Variants in ZBTB34 observed in about 807,000 individuals in gnomAD.
ZBTB34 encodes the protein zinc finger and BTB domain-containing protein 34.
In ZBTB34, 1 loss-of-function variant was observed where a neutral mutation model predicts 33.4. The observed-to-expected ratio is 0.03, with a 90% CI of 0.01 to 0.14. The LOEUF (loss-of-function observed/expected upper bound fraction) is 0.14. Ranked by LOEUF, ZBTB34 falls within the 10% of genes least tolerant of loss-of-function variation. ZBTB34 has a pLI of 1.00. For synonymous variants in ZBTB34, 283 were observed against 253.5 expected (o/e 1.12, Z -1.11); for missense variants, 406 against 657.2 (o/e 0.62, Z 4.18).
intron 1 of ZBTB34, among the ~76,000 whole-genome samples, chr9:126,868,657 A>T (rs2033239856): frequency 6.6e-6 from 1 of 152,156 alleles, no homozygotes; most frequent in Non-Finnish European, 1.5e-5. Flanking sequence ...CTGCTTGGTC[A>T]GTCCTGGAGG....
At chr9:126,874,732 C>CA (rs1431343552) in intron 1 of ZBTB34, among the ~76,000 whole-genome samples, 2 of 152,170 alleles carry the variant, frequency 1.3e-5, no homozygotes, top group African/African-American at 4.8e-5. Context: ...CCTTCCTCCC[C>CA]AACCCTTTGT....
rs77474111 is a variant in ZBTB34, at chr9:126,869,762, G to C, written c.-11+9023G>C. ...AATTATTCTCTTTCTTTGTAAGAAA[G>C]TAAGATTTTGGAAGTAAGAAATTAA... On this transcript the variant is annotated intron_variant, in intron 1 of 1. Transcript: ENST00000319119. 6.3e-3 allele frequency among the ~76,000 whole-genome samples: 954 copies of C among 152,296 alleles called. 38 individuals are homozygous for C. In the East Asian group the frequency reaches 0.1, roughly 16 times the overall value.
chr9:126,870,899 C>T (rs1447105198), intron 1 of ZBTB34, among the ~76,000 whole-genome samples: 1 of 151,918 alleles, frequency 6.6e-6, no homozygotes, highest in Admixed American at 6.6e-5. Context: ...TGCACTCCAG[C>T]CTGGGCCACA....
exon 2 of ZBTB34, chr9:126,884,767 G>C (rs1335806224): frequency 6.0e-6 from 1 of 166,984 alleles, no homozygotes; most frequent in Non-Finnish European, 1.5e-5. Context: ...CTATGTGAAT[G>C]AGCTTTACTT....
intron 1 of ZBTB34, among the ~76,000 whole-genome samples, chr9:126,869,592 C>T (rs923316085): frequency 2.6e-5 from 4 of 152,004 alleles, no homozygotes; most frequent in Non-Finnish European, 2.9e-5. Context: ...GGTGTGGGGG[C>T]GGCTGGGTGC....
At chr9:126,885,507 A>G (rs1236263026) in exon 2 of ZBTB34, 1 of 167,112 alleles carries the variant, frequency 6.0e-6, no homozygotes, top group Non-Finnish European at 1.5e-5. Context: ...TAGTAGGGCT[A>G]ACATTTTTTT....
chr9:126,869,399 T>C (rs1328538831), intron 1 of ZBTB34, among the ~76,000 whole-genome samples: 2 of 151,984 alleles, frequency 1.3e-5, no homozygotes, highest in South Asian at 2.1e-4. Flanking sequence ...AAGGGGCAGG[T>C]TGGGAGGATT....
chr9:126,878,262 GA>G (rs1340328250), intron 1 of ZBTB34, among the ~76,000 whole-genome samples: 2 of 152,036 alleles, frequency 1.3e-5, no homozygotes, highest in Non-Finnish European at 2.9e-5. Flanking sequence ...CTGAGGTCAG[GA>G]GTTCGAGACC....
At chr9:126,866,782 T>A (rs953281726) in intron 1 of ZBTB34, among the ~76,000 whole-genome samples, 7 of 151,984 alleles carry the variant, frequency 4.6e-5, no homozygotes, top group African/African-American at 1.5e-4. Flanking sequence ...TAAAAAAAAA[T>A]TTTAGTGAGA....
chr9:126,876,720 G>A (rs2033368667), intron 1 of ZBTB34, among the ~76,000 whole-genome samples: 1 of 152,224 alleles, frequency 6.6e-6, no homozygotes, highest in Non-Finnish European at 1.5e-5. Flanking sequence ...TGAACGGCCT[G>A]AAGATCATTT....
At chr9:126,885,145 C>T (rs927176588) in exon 2 of ZBTB34, 2 of 167,052 alleles carry the variant, frequency 1.2e-5, no homozygotes, top group African/African-American at 2.4e-5. Context: ...ATGTCACATG[C>T]GTCTTTTTCA....
At position 126,880,792 on chromosome 9, in the gene ZBTB34, A is replaced by G. The variant is rs555641368; in HGVS notation, c.1393A>G (p.Ile465Val). Residue 465 changes from isoleucine to valine, a missense_variant, in exon 2 of 2, where the codon ATT becomes GTT. Physicochemically the swap from Ile to Val is conservative, Grantham distance 29. Around this residue, in one of 6 missense-constraint regions of ZBTB34, gnomAD observed 58 missense variants for 58.7 expected, o/e 0.99. Transcript: ENST00000319119. The surrounding 1 kb of genome is among the most constrained non-coding windows in gnomAD (Gnocchi z 6.7). ...AGGCGTTGCTGAAGTCAGGAGTCGC[A>G]TTGAGTCCCCCGAGAGAACAGATGT... The G allele has an allele frequency of 1.1e-5, 17 of 1,613,794 alleles. No homozygotes were observed. In the East Asian group the frequency reaches 2.5e-4, roughly 23 times the overall value.
intron 1 of ZBTB34, among the ~76,000 whole-genome samples, chr9:126,876,883 A>G (rs891347095): frequency 1.3e-5 from 2 of 152,182 alleles, no homozygotes; most frequent in African/African-American, 2.4e-5. Flanking sequence ...TTTTAACTCA[A>G]ATTTCGATGT....
intron 1 of ZBTB34, among the ~76,000 whole-genome samples, chr9:126,862,284 G>A (rs2033152327): frequency 6.6e-6 from 1 of 152,182 alleles, no homozygotes; most frequent in Non-Finnish European, 1.5e-5. Flanking sequence ...GAGGTGGGCC[G>A]CGGCTAGTTC....
At chr9:126,871,870 C>T (rs928535197) in intron 1 of ZBTB34, among the ~76,000 whole-genome samples, 1 of 151,954 alleles carries the variant, frequency 6.6e-6, no homozygotes, top group African/African-American at 2.4e-5. Flanking sequence ...AATTCCAGGA[C>T]TTTGGGATGC....
intron 1 of ZBTB34, among the ~76,000 whole-genome samples, chr9:126,867,625 G>T (rs971236372): frequency 2.0e-5 from 3 of 151,552 alleles, no homozygotes; most frequent in African/African-American, 7.3e-5. Flanking sequence ...GCGAAAAGGG[G>T]TATTTTTTTT....
intron 1 of ZBTB34, among the ~76,000 whole-genome samples, chr9:126,866,242 T>C (rs1433066807): frequency 6.6e-6 from 1 of 152,134 alleles, no homozygotes; most frequent in African/African-American, 2.4e-5. Flanking sequence ...AGCCCCATAT[T>C]TCCCACGACC....
At chr9:126,873,882 A>G (rs972544513) in intron 1 of ZBTB34, among the ~76,000 whole-genome samples, 1 of 152,142 alleles carries the variant, frequency 6.6e-6, no homozygotes, top group African/African-American at 2.4e-5. Flanking sequence ...CTGAGATTAC[A>G]GGTGTGAGCC....
In ZBTB34 at chr9:126,879,334, C is replaced by A; in HGVS notation, c.-10-56C>A. 1 of 1,427,200 alleles carries A rather than the reference C, an allele frequency of 7.0e-7. No individual in the cohort carries two copies. The highest frequency in any genetic ancestry group is 9.6e-7 in the Non-Finnish European group (1 of 1,042,956). 88.4% of individuals were successfully genotyped at this position (1,427,200 alleles called of 1,614,324 possible). On this transcript the variant is annotated intron_variant, in intron 1 of 1. Transcript: ENST00000319119. This position sits in a 1 kb window ranked among gnomAD's most constrained non-coding sequence, Gnocchi z 6.4. Reference sequence around the variant, plus strand: ...TGTTGTTGTAAGCTTGTGTTTATGCCACTTGTACTTAGTGAGGAGTCATTG... The same window carrying A: ...TGTTGTTGTAAGCTTGTGTTTATGCAACTTGTACTTAGTGAGGAGTCATTG...
Sources: gnomAD v4.1 joint callset for allele counts (sites outside exome capture counted in the v4.1 genomes callset) on GRCh38, gnomAD v4.1.1 for gene constraint, gnomAD v4.1.1 regional missense constraint, Gnocchi (gnomAD v3.1) non-coding constraint, MANE v1.5 for transcripts, NCBI Gene and HGNC (gene_info 2026-07-23, HGNC 2026-07-21) for gene names.